Variants in LIPH observed in about 807,000 individuals in gnomAD.
LIPH encodes the protein lipase member H.
LIPH carries 32 observed loss-of-function variants against 47.6 expected under a neutral mutation model. That is an observed-to-expected ratio of 0.67 (90% CI 0.51 to 0.90). LIPH has a LOEUF of 0.90. Among genes scored for constraint, LIPH ranks in the 40% least tolerant of loss-of-function variants. The pLI is 0.00. For missense variants in LIPH, 497 were observed against 541.4 expected, an observed-to-expected ratio of 0.92 and a Z score of 0.81; for synonymous variants, 190 against 195.6, an observed-to-expected ratio of 0.97 and a Z score of 0.24.
chr3:185,528,858 A>G (rs1720210743), intron 3 of LIPH, among the ~76,000 whole-genome samples: 3 of 152,150 alleles, frequency 2.0e-5, no homozygotes, highest in South Asian at 4.1e-4. Context: ...ACCACAAAAT[A>G]AAGATTAAAC....
intron 3 of LIPH, among the ~76,000 whole-genome samples, chr3:185,529,624 C>T (rs1419498952): frequency 7.9e-5 from 12 of 151,148 alleles, no homozygotes; most frequent in Non-Finnish European, 1.5e-4. Flanking sequence ...GTCGCAGTGG[C>T]TTACATCTAT....
intron 8 of LIPH, 122 bp from the exon 9 acceptor site, chr3:185,511,819 C>CTTT (rs78253030): frequency 5.6e-4 from 307 of 550,288 alleles, no homozygotes; most frequent in African/African-American, 1.5e-3. Flanking sequence ...CACCAGCTGA[C>CTTT]TTTTTTTTTT....
intron 1 of LIPH, among the ~76,000 whole-genome samples, chr3:185,549,542 C>G (rs988974806): frequency 1.3e-5 from 2 of 152,138 alleles, no homozygotes; most frequent in Non-Finnish European, 2.9e-5. Context: ...TTTAAAAATA[C>G]TTATGTCAAG....
Position 185,508,646 on chromosome 3 carries a change from T to A in LIPH, c.*144A>T, listed in dbSNP as rs1303958348. The stretch of plus-strand genomic sequence containing the variant: ...AATCACAAGGTTGTTTGATGTACAA[T>A]GTGACATCCATAGGACGCTACTGAA... On this transcript the variant is annotated 3_prime_UTR_variant, in exon 10 of 10. Transcript: ENST00000296252. 1.4e-6 allele frequency: 1 copy of A among 691,118 alleles called. No homozygotes were observed. The highest frequency in any genetic ancestry group is 2.6e-6 in the Non-Finnish European group (1 of 377,458). The allele number at this position is 691,118 out of a possible 1,614,324, so 42.8% of individuals were successfully genotyped here. A position where few individuals can be genotyped will look rare whatever the true frequency, so the allele number is the denominator to read the frequency against.
At chr3:185,526,478 G>A (rs1163835617) in intron 4 of LIPH, among the ~76,000 whole-genome samples, 5 of 150,664 alleles carry the variant, frequency 3.3e-5, no homozygotes, top group Admixed American at 6.6e-5. Context: ...CCAAGATCAC[G>A]CCACTGCACT....
At chr3:185,533,179 C>T (rs1258449624) in intron 3 of LIPH, among the ~76,000 whole-genome samples, 1 of 152,082 alleles carries the variant, frequency 6.6e-6, no homozygotes, top group African/African-American at 2.4e-5. Context: ...ATCTCGTTTT[C>T]TTATGAGACT....
chr3:185,549,712 G>C (rs1022778169), intron 1 of LIPH, among the ~76,000 whole-genome samples: 2 of 152,108 alleles, frequency 1.3e-5, no homozygotes, highest in African/African-American at 2.4e-5. Context: ...TTTTGAGACA[G>C]GGTCTTGTTC....
chr3:185,544,383 C>T lies in LIPH; in HGVS notation c.49+8040G>A, dbSNP rs950218877. ...TGTTTTGTTTTTTGAGATGGAGTTT[C>T]GCTCTTGTCACCCAGGCTGAAGTGC... On this transcript the variant is annotated intron_variant, in intron 1 of 9. Transcript: ENST00000296252. Among the ~76,000 whole-genome samples the T allele has an allele frequency of 1.4e-5, 2 of 139,390 alleles. 1 individual carries two copies. The highest frequency in any genetic ancestry group is 5.1e-4 in the South Asian group (2 of 3,908). The allele number at this position is 139,390 out of a possible 152,430, so 91.4% of individuals were successfully genotyped here.
chr3:185,522,678 G>GAAAGAA (rs1719943943), intron 5 of LIPH, among the ~76,000 whole-genome samples: 5 of 150,744 alleles, frequency 3.3e-5, no homozygotes, highest in Admixed American at 3.3e-4. Flanking sequence ...AAGAAAGAAA[G>GAAAGAA]AAAGAAAGAA....
chr3:185,529,925 A>AG (rs1491339412), intron 3 of LIPH, among the ~76,000 whole-genome samples: 1 of 43,628 alleles, frequency 2.3e-5, no homozygotes, highest in Non-Finnish European at 5.7e-5. Flanking sequence ...AAAGAAAGAA[A>AG]GAAAGAAAGA....
At chr3:185,549,747 C>T (rs1324949855) in intron 1 of LIPH, among the ~76,000 whole-genome samples, 3 of 152,070 alleles carry the variant, frequency 2.0e-5, no homozygotes, top group African/African-American at 7.2e-5. Context: ...GCAGTGGCTA[C>T]TCAGAGGCAC....
intron 4 of LIPH, among the ~76,000 whole-genome samples, chr3:185,526,286 A>C (rs1324508121): frequency 1.3e-5 from 2 of 151,906 alleles, no homozygotes. Context: ...TTTGGGAGGC[A>C]AAGGCGGGTG....
chr3:185,524,045 C>T (rs773510566), intron 5 of LIPH, 26 bp downstream of exon 5: 3 of 1,534,184 alleles, frequency 2.0e-6, no homozygotes. Flanking sequence ...TTTTATACCA[C>T]TATTTTACAA....
rs754454368 is a variant in LIPH at position 185,519,201 on chromosome 3, T to C, written c.827A>G (p.Tyr276Cys). 1 of 1,613,512 alleles carries C rather than the reference T, an allele frequency of 6.2e-7. No individual in the cohort carries two copies. Among genetic ancestry groups the C allele is most frequent in the Non-Finnish European group, 8.5e-7 (1 of 1,179,458 alleles). Residue 276 changes from tyrosine to cysteine, a missense_variant, in exon 6 of 10, where the codon TAT becomes TGT. Physicochemically the swap from Tyr to Cys is radical, Grantham distance 194 (BLOSUM62 -2). Coordinates refer to ENST00000296252, the MANE Select transcript of LIPH (RefSeq NM_139248.3). ...GCAGCTGACACACTTGCCATTCCTA[T>C]AATCCTGGTAGGAGTCACAGGGATA... ...TAYPCDSYQD[Y>C]RNGKCVSCGT...
chr3:185,523,232 T>C (rs1448847373), intron 5 of LIPH, among the ~76,000 whole-genome samples: 1 of 152,204 alleles, frequency 6.6e-6, no homozygotes, highest in Non-Finnish European at 1.5e-5. Context: ...ACATACCTTT[T>C]CAAGAGAGAG....
chr3:185,519,453 CAT>C, intron 5 of LIPH, 144 bp from the exon 6 acceptor site: 1 of 679,564 alleles, frequency 1.5e-6, no homozygotes, highest in South Asian at 1.6e-5. Flanking sequence ...TATAAAATCC[CAT>C]AGATAAGAAT....
intron 1 of LIPH, among the ~76,000 whole-genome samples, chr3:185,547,612 G>A (rs188796999): frequency 1.7e-3 from 265 of 152,196 alleles, no homozygotes; most frequent in African/African-American, 6.0e-3. Flanking sequence ...TCAGGAGTTT[G>A]AGACCAGCCT....
chr3:185,506,829 CT>C lies in LIPH; in HGVS notation c.*1960del, dbSNP rs1719390364. 2.1e-5 allele frequency: 1 copy of C among 48,568 alleles called. No individual in the cohort carries two copies. Among genetic ancestry groups the C allele is most frequent in the African/African-American group, 8.7e-5 (1 of 11,446 alleles). 3.0% of individuals were successfully genotyped at this position (48,568 alleles called of 1,614,324 possible). On this transcript the variant is annotated 3_prime_UTR_variant, in exon 10 of 10. Coordinates refer to ENST00000296252, the MANE Select transcript of LIPH (RefSeq NM_139248.3). ...CCTGGGTAACAGAAGGAGACTCCAT[CT>C]AAAAAAAAAAAAAAAAAAAAAAAAA...
intron 6 of LIPH, among the ~76,000 whole-genome samples, chr3:185,518,373 A>T (rs1398668603): frequency 1.3e-5 from 2 of 151,730 alleles, no homozygotes; most frequent in Non-Finnish European, 2.9e-5. Context: ...TCCGTCTCCC[A>T]GGTTCAAGTG....
Sources: gnomAD v4.1 joint callset for allele counts (sites outside exome capture counted in the v4.1 genomes callset) on GRCh38, gnomAD v4.1.1 for gene constraint, MANE v1.5 for transcripts, NCBI Gene and HGNC (gene_info 2026-07-23, HGNC 2026-07-21) for gene names.